The following SNAP29 variants were observed in gnomAD, a reference collection of about 807,000 sequenced individuals.
SNAP29 encodes the protein synaptosome associated protein 29, also known as synaptosomal-associated protein 29.
SNAP29 carries 13 observed loss-of-function variants against 27.9 expected under a neutral mutation model. That is an observed-to-expected ratio of 0.47 (90% CI 0.30 to 0.74). The LOEUF (loss-of-function observed/expected upper bound fraction) is 0.74, where lower values mean the gene tolerates loss of function less well. Ranked by LOEUF, SNAP29 falls within the 30% of genes least tolerant of loss-of-function variation. SNAP29 has a pLI of 0.06. For missense variants in SNAP29, 368 were observed against 336.5 expected (o/e 1.09, Z -0.73); for synonymous variants, 119 against 127.1 (o/e 0.94, Z 0.43).
In SNAP29 at chr22:20,889,999, C is replaced by T. The variant is rs984894233; in HGVS notation, c.*2163C>T. On this transcript the variant is annotated 3_prime_UTR_variant, in exon 5 of 5. Transcript: ENST00000215730. ...TGGAAGGGGAGTTGCCTTCACTTTTCTGGAAATTTGTCTTCGTCTGACATA... is the reference window on the plus strand; with the variant it reads ...TGGAAGGGGAGTTGCCTTCACTTTTTTGGAAATTTGTCTTCGTCTGACATA... 6.5e-5 allele frequency: 22 copies of T among 338,718 alleles called. No individual in the cohort carries two copies. The South Asian group carries it at 2.0e-3, about 31-fold the overall frequency. 21.0% of individuals were successfully genotyped at this position (338,718 alleles called of 1,614,324 possible). A position where few individuals can be genotyped will look rare whatever the true frequency, so the allele number is the denominator to read the frequency against.
chr22:20,863,324 C>G (rs1928377096), intron 1 of SNAP29, among the ~76,000 whole-genome samples: 1 of 151,312 alleles, frequency 6.6e-6, no homozygotes, highest in African/African-American at 2.4e-5. Flanking sequence ...GCCTGGTTAC[C>G]CCAGCACTGT....
At chr22:20,860,886 AATT>A (rs1928298586) in intron 1 of SNAP29, among the ~76,000 whole-genome samples, 1 of 149,740 alleles carries the variant, frequency 6.7e-6, no homozygotes, top group South Asian at 2.1e-4. Context: ...AAATTTGAAA[AATT>A]AGCCAGGCAT....
At chr22:20,863,395 G>A (rs1432505760) in intron 1 of SNAP29, among the ~76,000 whole-genome samples, 1 of 152,228 alleles carries the variant, frequency 6.6e-6, no homozygotes, top group East Asian at 1.9e-4. Context: ...ATTATATTAG[G>A]TTGGGAAGAT....
At position 20,888,551 on chromosome 22, in the gene SNAP29, G is replaced by A. The variant is rs1273695814; in HGVS notation, c.*715G>A. The A allele has an allele frequency of 6.5e-6, 1 of 153,730 alleles. No individual in the cohort carries two copies. The highest frequency in any genetic ancestry group is 1.4e-5 in the Non-Finnish European group (1 of 69,088). 9.5% of individuals were successfully genotyped at this position (153,730 alleles called of 1,614,324 possible). A position where few individuals can be genotyped will look rare whatever the true frequency, so the allele number is the denominator to read the frequency against. On this transcript the variant is annotated 3_prime_UTR_variant, in exon 5 of 5. Transcript: ENST00000215730. ...ACTGCGACTCCTGGAAATGTGTGGG[G>A]AATTGGGTGAGCCCCTCTTCCCCAC...
chr22:20,873,493 G>GT (rs1171168754), intron 2 of SNAP29, among the ~76,000 whole-genome samples: 1 of 152,180 alleles, frequency 6.6e-6, no homozygotes, highest in African/African-American at 2.4e-5. Context: ...GGAGAAACCA[G>GT]TGTAGGTAAC....
chr22:20,880,921 A>G, intron 2 of SNAP29, 128 bp from the exon 3 acceptor site: 3 of 675,124 alleles, frequency 4.4e-6, no homozygotes, highest in Non-Finnish European at 8.1e-6. Flanking sequence ...TACTTTGGTC[A>G]GAAGGAGTTT....
intron 2 of SNAP29, among the ~76,000 whole-genome samples, chr22:20,875,652 G>A (rs1428136976): frequency 1.3e-5 from 2 of 152,188 alleles, no homozygotes; most frequent in East Asian, 1.9e-4. Flanking sequence ...GAAGTTGTTG[G>A]CCATTTCAAG....
At chr22:20,884,921 A>G (rs1439936785) in intron 4 of SNAP29, among the ~76,000 whole-genome samples, 2 of 152,042 alleles carry the variant, frequency 1.3e-5, no homozygotes, top group East Asian at 1.9e-4. Context: ...AATTACAGAC[A>G]TGCACCACCA....
At position 20,870,648 on chromosome 22, in the gene SNAP29, T is replaced by C. The variant is rs1928570186; in HGVS notation, c.434+115T>C. The C allele has an allele frequency of 5.4e-6, 5 of 928,974 alleles. No homozygotes were observed. The Admixed American group carries it at 8.0e-5, about 15-fold the overall frequency. 57.5% of individuals were successfully genotyped at this position (928,974 alleles called of 1,614,324 possible). A position where few individuals can be genotyped will look rare whatever the true frequency, so the allele number is the denominator to read the frequency against. On this transcript the variant is annotated intron_variant, in intron 2 of 4. Transcript: ENST00000215730. The stretch of plus-strand genomic sequence containing the variant: ...GAAGGGATCCAACAACCCTTTAAGT[T>C]ACTCATCAGGGGATATTTGTCCTCA...
chr22:20,876,505 G>T (rs563079743), intron 2 of SNAP29, among the ~76,000 whole-genome samples: 2 of 149,716 alleles, frequency 1.3e-5, no homozygotes, highest in Non-Finnish European at 3.0e-5. Context: ...TGATCTTCCC[G>T]CCTCAGCCTC....
intron 1 of SNAP29, among the ~76,000 whole-genome samples, chr22:20,866,814 T>C (rs1001682422): frequency 3.3e-5 from 5 of 152,190 alleles, no homozygotes; most frequent in Non-Finnish European, 7.3e-5. Context: ...ACTTTCTGAC[T>C]GCCTAACTTC....
intron 2 of SNAP29, among the ~76,000 whole-genome samples, chr22:20,875,321 A>T (rs1197397203): frequency 6.6e-6 from 1 of 152,164 alleles, no homozygotes; most frequent in Admixed American, 6.5e-5. Flanking sequence ...CTGCCCCTAG[A>T]TTAGCCCCAA....
At chr22:20,866,724 G>A (rs1928468737) in intron 1 of SNAP29, among the ~76,000 whole-genome samples, 1 of 152,074 alleles carries the variant, frequency 6.6e-6, no homozygotes, top group Non-Finnish European at 1.5e-5. Flanking sequence ...TGCACCCTCT[G>A]CCTGGTGCCC....
chr22:20,877,230 A>G (rs186574306), intron 2 of SNAP29, among the ~76,000 whole-genome samples: 140 of 152,144 alleles, frequency 9.2e-4, no homozygotes, highest in Non-Finnish European at 1.2e-3. Context: ...AGACCAGCCT[A>G]GCCAACATGA....
At chr22:20,877,852 T>C (rs1928786266) in intron 2 of SNAP29, among the ~76,000 whole-genome samples, 1 of 152,234 alleles carries the variant, frequency 6.6e-6, no homozygotes, top group African/African-American at 2.4e-5. Flanking sequence ...CGTTGAGATG[T>C]GCAGGCTGAA....
At chr22:20,884,313 CAA>C (rs1424422555) in intron 4 of SNAP29, among the ~76,000 whole-genome samples, 4 of 148,080 alleles carry the variant, frequency 2.7e-5, no homozygotes, top group Non-Finnish European at 4.5e-5. Context: ...ACCTGGGCAA[CAA>C]GAGCGAAACT....
intron 4 of SNAP29, among the ~76,000 whole-genome samples, chr22:20,886,448 C>G (rs1429265290): frequency 4.0e-5 from 6 of 151,698 alleles, no homozygotes; most frequent in Admixed American, 1.3e-4. Context: ...GCTGGGATTA[C>G]AAGGTGTGCA....
At chr22:20,879,030 G>A (rs368030066) in intron 2 of SNAP29, among the ~76,000 whole-genome samples, 5 of 152,170 alleles carry the variant, frequency 3.3e-5, no homozygotes, top group Admixed American at 1.3e-4. Context: ...AACAGTGGCC[G>A]GGTGCAGTGG....
At chr22:20,874,317 GACAC>G (rs368789277) in intron 2 of SNAP29, among the ~76,000 whole-genome samples, 352 of 118,146 alleles carry the variant, frequency 3.0e-3, no homozygotes, top group East Asian at 6.3e-3. Context: ...GACACACACA[GACAC>G]ACACACACAC....
Sources: gnomAD v4.1 joint callset for allele counts (sites outside exome capture counted in the v4.1 genomes callset) on GRCh38, gnomAD v4.1.1 for gene constraint, MANE v1.5 for transcripts, NCBI Gene and HGNC (gene_info 2026-07-23, HGNC 2026-07-21) for gene names.